ADPRH: variants seen among roughly 807,000 people sequenced by gnomAD.
ADPRH encodes the protein ADP-ribose-L-arginine cleaving enzyme.
Under a neutral mutation model 28.8 loss-of-function variants are expected in ADPRH, and 27 were observed. The observed-to-expected ratio is 0.94, with a 90% CI of 0.69 to 1.29. The LOEUF is 1.29. Among genes scored for constraint, ADPRH ranks in the 50% most tolerant of loss-of-function variants. The pLI is 0.00. For synonymous variants in ADPRH, 161 were observed against 166.9 expected (o/e 0.96, Z 0.27); for missense variants, 419 against 444.8 (o/e 0.94, Z 0.52).
chr3:119,585,803 C>T (rs2082453286), intron 3 of ADPRH, among the ~76,000 whole-genome samples: 1 of 152,192 alleles, frequency 6.6e-6, no homozygotes, highest in African/African-American at 2.4e-5. Context: ...CCTGCCTCCA[C>T]CTCCCAAAGT....
chr3:119,587,286 T>C (rs79735695), intron 4 of ADPRH, among the ~76,000 whole-genome samples, 178 bp from the exon 5 acceptor site: 4,599 of 152,350 alleles, frequency 0.03, 240 homozygotes, highest in African/African-American at 0.11. Flanking sequence ...ATGAAAAATG[T>C]ATTGAATGAA....
chr3:119,580,674 T>C (rs1450278406), intron 2 of ADPRH, 38 bp downstream of exon 2: 1 of 152,116 alleles, frequency 6.6e-6, no homozygotes, highest in Non-Finnish European at 1.5e-5. Context: ...GAGGGAAAAG[T>C]TTCACCTGAG....
chr3:119,585,581 G>A (rs967144749), intron 3 of ADPRH, among the ~76,000 whole-genome samples: 2 of 152,142 alleles, frequency 1.3e-5, no homozygotes, highest in Non-Finnish European at 2.9e-5. Context: ...ACGGAGTCTC[G>A]CTCTGTCACC....
In ADPRH at chr3:119,582,374, G is replaced by T; in HGVS notation, c.205G>T (p.Glu69Ter). 1 of 1,614,216 alleles carries T rather than the reference G, an allele frequency of 6.2e-7. No individual in the cohort carries two copies. Among genetic ancestry groups the T allele is most frequent in the Non-Finnish European group, 8.5e-7 (1 of 1,180,026 alleles). The change falls in exon 3 of 5, where the codon GAA becomes TAA. Residue 69 changes from glutamate to a stop codon, truncating the protein, a stop_gained. Transcript: ENST00000357003. LOFTEE classifies it high-confidence loss of function. ...CTTGGCCACAGCAGAAGCTCTTGTG[G>T]AAGCTGGGAAAGCCCCTAAGTTGAC... Reference protein sequence around the residue: ...MHLATAEALVEAGKAPKLTQL... With the variant: ...MHLATAEALV
chr3:119,584,823 G>C (rs1291569703), intron 3 of ADPRH, among the ~76,000 whole-genome samples: 1 of 152,190 alleles, frequency 6.6e-6, no homozygotes, highest in Non-Finnish European at 1.5e-5. Flanking sequence ...GACAGGCCTG[G>C]TTTCTTCTGA....
chr3:119,582,742 A>G (rs1248152452), intron 3 of ADPRH, among the ~76,000 whole-genome samples: 1 of 152,150 alleles, frequency 6.6e-6, no homozygotes, highest in Non-Finnish European at 1.5e-5. Context: ...TCCCTCTTCT[A>G]GAGACAGGTA....
chr3:119,587,432 TCAA>T (rs1322364676), intron 4 of ADPRH, 29 bp from the exon 5 acceptor site: 1 of 1,475,788 alleles, frequency 6.8e-7, no homozygotes, highest in South Asian at 1.6e-5. Context: ...TTTATTTTTT[TCAA>T]TTGACTCTAG....
chr3:119,580,308 C>G (rs1392978646), intron 1 of ADPRH: 1 of 152,170 alleles, frequency 6.6e-6, no homozygotes, highest in Non-Finnish European at 1.5e-5. Context: ...AAAATCGCAG[C>G]GCAGGACGGA....
At chr3:119,585,138 A>G (rs546833840) in intron 3 of ADPRH, among the ~76,000 whole-genome samples, 11 of 152,338 alleles carry the variant, frequency 7.2e-5, no homozygotes, top group African/African-American at 2.4e-4. Context: ...TGTCACCCCA[A>G]GGATTGGCTT....
At chr3:119,582,008 C>T (rs1053700812) in intron 2 of ADPRH, 126 bp from the exon 3 acceptor site, 14 of 700,634 alleles carry the variant, frequency 2.0e-5, no homozygotes, top group African/African-American at 2.0e-4. Flanking sequence ...ATGAGGATTA[C>T]ATGAGATGCC....
chr3:119,586,279 C>T lies in ADPRH; in HGVS notation c.299-6C>T, dbSNP rs138814998. The T allele has an allele frequency of 1.1e-4, 185 of 1,612,716 alleles. 1 individual carries two copies. In the African/African-American group the frequency reaches 2.1e-3, roughly 18 times the overall value. On this transcript the variant is annotated splice_polypyrimidine_tract_variant and splice_region_variant and intron_variant, in intron 3 of 4. Coordinates refer to ENST00000357003, the MANE Select transcript of ADPRH (RefSeq NM_001125.4). The stretch of plus-strand genomic sequence containing the variant: ...AACCCCCATCCCTTATCCGACTCTT[C>T]CCCAGGTGGTGCCTCGGTGCACAAC...
intron 2 of ADPRH, among the ~76,000 whole-genome samples, chr3:119,580,921 A>G (rs2082399708): frequency 6.6e-6 from 1 of 152,194 alleles, no homozygotes; most frequent in Non-Finnish European, 1.5e-5. Flanking sequence ...AAGAGAAACA[A>G]TATTTAAACA....
Position 119,586,657 on chromosome 3 carries a change from A to C in ADPRH, c.659+12A>C. The C allele has an allele frequency of 6.2e-7, 1 of 1,611,964 alleles. No individual in the cohort carries two copies. Among genetic ancestry groups the C allele is most frequent in the African/African-American group, 1.3e-5 (1 of 74,890 alleles). On this transcript the variant is annotated intron_variant, in intron 4 of 4. Transcript: ENST00000357003. Reference sequence around the variant, plus strand: ...AATCTTCAACACTGGTGAGTCTGTAAGCGCACGCCCTGCTCAAACACGGTT... The same window carrying C: ...AATCTTCAACACTGGTGAGTCTGTACGCGCACGCCCTGCTCAAACACGGTT...
chr3:119,582,448 C>T lies in ADPRH; in HGVS notation c.279C>T (p.Asp93=). The T allele has an allele frequency of 6.2e-7, 1 of 1,613,162 alleles. No individual in the cohort carries two copies. Among genetic ancestry groups the T allele is most frequent in the Non-Finnish European group, 8.5e-7 (1 of 1,179,274 alleles). The change falls in exon 3 of 5, where the codon GAC becomes GAT. Residue 93 remains aspartate, a synonymous_variant. Coordinates refer to ENST00000357003, the MANE Select transcript of ADPRH (RefSeq NM_001125.4). ...AGCATTACCAAGACTGCATGGAAGA[C>T]ATGGATGGGCGGGCACCAGGTGAGC... ...LAKHYQDCME[D]MDGRAPGGAS... is the part of the protein sequence containing the mutation.
chr3:119,587,560 G>A lies in ADPRH; in HGVS notation c.756G>A (p.Lys252=). 6.2e-7 allele frequency: 1 copy of A among 1,613,392 alleles called. No homozygotes were observed. The highest frequency in any genetic ancestry group is 1.1e-5 in the South Asian group (1 of 90,772). ...APTFPESFGV[K]ERDQFYTSLS... is the part of the protein sequence containing the mutation. ...CCTTCCCTGAGTCTTTCGGTGTGAAGGAGAGGGATCAGTTCTACACCTCCC... is the reference window on the plus strand; with the variant it reads ...CCTTCCCTGAGTCTTTCGGTGTGAAAGAGAGGGATCAGTTCTACACCTCCC... The change falls in exon 5 of 5, where the codon AAG becomes AAA. Residue 252 remains lysine (K), a synonymous_variant. Transcript: ENST00000357003.
At position 119,586,318 on chromosome 3, in the gene ADPRH, A is replaced by G. The variant is rs775655162; in HGVS notation, c.332A>G (p.Lys111Arg). 6.2e-7 allele frequency: 1 copy of G among 1,613,788 alleles called. No individual in the cohort carries two copies. The highest frequency in any genetic ancestry group is 8.5e-7 in the Non-Finnish European group (1 of 1,180,040). The stretch of plus-strand genomic sequence containing the variant: ...TCGGTGCACAACGCCATGCAGCTGA[A>G]GCCGGGCAAGCCCAATGGCTGGAGG... ...GASVHNAMQL[K>R]PGKPNGWRIP... is the part of the protein sequence containing the mutation. The change falls in exon 4 of 5, where the codon AAG (lysine) becomes AGG (arginine). Residue 111 changes from lysine to arginine, a missense_variant. Transcript: ENST00000357003.
Position 119,582,166 on chromosome 3 carries a change from A to G in ADPRH, c.-4A>G. Reference sequence around the variant, plus strand: ...CTCCAGAGCCCAGCAATTGTGAGGGACTGATGGAGAAGTATGTGGCTGCTA... The same window carrying G: ...CTCCAGAGCCCAGCAATTGTGAGGGGCTGATGGAGAAGTATGTGGCTGCTA... On this transcript the variant is annotated 5_prime_UTR_variant, in exon 3 of 5. Coordinates refer to ENST00000357003, the MANE Select transcript of ADPRH (RefSeq NM_001125.4). 6.4e-7 allele frequency: 1 copy of G among 1,553,790 alleles called. No homozygotes were observed. Among genetic ancestry groups the G allele is most frequent in the African/African-American group, 1.4e-5 (1 of 73,050 alleles).
chr3:119,585,643 G>A (rs936599183), intron 3 of ADPRH, among the ~76,000 whole-genome samples: 7 of 152,308 alleles, frequency 4.6e-5, no homozygotes, highest in Admixed American at 2.0e-4. Context: ...TCTGCCTCCC[G>A]GGTTCAAACG....
intron 3 of ADPRH, among the ~76,000 whole-genome samples, chr3:119,583,782 A>T (rs887812258): frequency 1.4e-4 from 21 of 146,466 alleles, no homozygotes; most frequent in East Asian, 1.2e-3. Flanking sequence ...TTAAAAAAAA[A>T]TTTTTTTTTT....
Sources: allele counts gnomAD v4.1 joint callset (sites outside exome capture counted in the v4.1 genomes callset), GRCh38; gene constraint gnomAD v4.1.1; transcripts MANE v1.5; gene names NCBI Gene and HGNC (gene_info 2026-07-23, HGNC 2026-07-21).